The following HDAC8 variants were observed in gnomAD, a reference collection of about 807,000 sequenced individuals.
The protein encoded by HDAC8 is histone deacetylase 8.
HDAC8 carries 1 observed loss-of-function variant against 32.2 expected under a neutral mutation model. That is an observed-to-expected ratio of 0.03 (90% CI 0.01 to 0.15). The LOEUF (loss-of-function observed/expected upper bound fraction) is 0.15, where lower values mean the gene tolerates loss of function less well. Among genes scored for constraint, HDAC8 ranks in the 10% least tolerant of loss-of-function variants. The pLI is 1.00. For missense variants in HDAC8, 117 were observed against 300.0 expected, an observed-to-expected ratio of 0.39 and a Z score of 4.51; for synonymous variants, 108 against 113.9, an observed-to-expected ratio of 0.95 and a Z score of 0.33.
intron 9 of HDAC8, among the ~76,000 whole-genome samples, chrX:72,460,244 C>T (rs782130712): frequency 2.7e-5 from 3 of 110,671 alleles, no homozygotes; most frequent in African/African-American, 6.6e-5. Flanking sequence ...TCAAGCAATT[C>T]GCTTGCCTCA....
chrX:72,486,874 T>A (rs782475499), intron 7 of HDAC8, among the ~76,000 whole-genome samples: 3 of 111,929 alleles, frequency 2.7e-5, no homozygotes, highest in Non-Finnish European at 5.6e-5. Context: ...CTTGGTACCC[T>A]TGGAATCAGA....
At chrX:72,458,044 G>A (rs1364402125) in intron 9 of HDAC8, among the ~76,000 whole-genome samples, 3 of 111,246 alleles carry the variant, frequency 2.7e-5, no homozygotes, top group Non-Finnish European at 5.7e-5. Flanking sequence ...GATAAGTCAC[G>A]GGATCTAAAT....
chrX:72,465,134 G>A (rs1555993506), intron 7 of HDAC8, among the ~76,000 whole-genome samples: 1 of 111,430 alleles, frequency 9.0e-6, no homozygotes, highest in Non-Finnish European at 1.9e-5. Context: ...TTTAAGATGA[G>A]GACCATACTT....
intron 10 of HDAC8, among the ~76,000 whole-genome samples, chrX:72,332,834 TAG>T (rs1415428411): frequency 9.1e-6 from 1 of 110,023 alleles, no homozygotes; most frequent in Admixed American, 9.7e-5. Context: ...GTATTTTTAG[TAG>T]AGAGGGGATC....
intron 9 of HDAC8, among the ~76,000 whole-genome samples, chrX:72,383,790 A>T (rs1436920041): frequency 9.4e-6 from 1 of 106,380 alleles, no homozygotes; most frequent in African/African-American, 3.5e-5. Context: ...GAATGGTGTG[A>T]ACCCGGGAGG....
chrX:72,355,941 T>C (rs2044339271), intron 9 of HDAC8, among the ~76,000 whole-genome samples: 1 of 112,198 alleles, frequency 8.9e-6, no homozygotes, highest in African/African-American at 3.2e-5. Context: ...TAGGAGGGAT[T>C]ATTATAGAGC....
intron 4 of HDAC8, among the ~76,000 whole-genome samples, chrX:72,529,728 A>C (rs2147403825): frequency 8.9e-6 from 1 of 112,327 alleles, no homozygotes; most frequent in East Asian, 2.8e-4. Flanking sequence ...TAAAACAGGT[A>C]AAGATACAGG....
rs1241395400 is a variant in HDAC8, at chrX:72,423,757, C to T, written c.1005+38247G>A. On this transcript the variant is annotated intron_variant, in intron 9 of 10. Transcript: ENST00000373573. ...ACATTCTTTGACAGAATTATTAGTC[C>T]TCTTAGTACTATCAACCACACCAGG... 1.6e-4 allele frequency among the ~76,000 whole-genome samples: 18 copies of T among 111,708 alleles called. No individual in the cohort carries two copies. The Admixed American group carries it at 1.6e-3, about 10-fold the overall frequency.
chrX:72,332,731 A>G (rs1415059949), intron 10 of HDAC8, among the ~76,000 whole-genome samples: 13 of 110,110 alleles, frequency 1.2e-4, no homozygotes, highest in African/African-American at 4.3e-4. Context: ...GGCTCACTGC[A>G]AACTCCGCCT....
chrX:72,494,140 G>C (rs2048952716), intron 5 of HDAC8, among the ~76,000 whole-genome samples: 1 of 111,621 alleles, frequency 9.0e-6, no homozygotes, highest in African/African-American at 3.3e-5. Context: ...GATATTCAGT[G>C]AAAATGGTTC....
At chrX:72,402,727 G>A (rs1555967759) in intron 9 of HDAC8, among the ~76,000 whole-genome samples, 5 of 110,875 alleles carry the variant, frequency 4.5e-5, no homozygotes, top group Non-Finnish European at 1.9e-5. Flanking sequence ...TTTTATTCCT[G>A]GCCTATGGTG....
intron 4 of HDAC8, among the ~76,000 whole-genome samples, chrX:72,540,493 G>C (rs1439351597): frequency 1.8e-5 from 2 of 110,149 alleles, no homozygotes; most frequent in Non-Finnish European, 3.8e-5. Context: ...GAACATACTT[G>C]ATTTAACCTT....
At chrX:72,517,247 A>G (rs782405137) in intron 4 of HDAC8, among the ~76,000 whole-genome samples, 2 of 111,846 alleles carry the variant, frequency 1.8e-5, no homozygotes, top group East Asian at 5.6e-4. Context: ...ATCTATTCAA[A>G]TCTTCTGCCT....
chrX:72,378,051 T>A (rs897631122), intron 9 of HDAC8, among the ~76,000 whole-genome samples: 2 of 110,773 alleles, frequency 1.8e-5, no homozygotes, highest in Non-Finnish European at 3.8e-5. Context: ...TTTTTTTTTT[T>A]AGTGGTTGCC....
intron 9 of HDAC8, 91 bp downstream of exon 9, chrX:72,461,913 G>A (rs1201318482): frequency 5.0e-6 from 3 of 603,877 alleles, no homozygotes; most frequent in Admixed American, 4.9e-5. Context: ...TCAACAAAAC[G>A]GTATTGAGTG....
At chrX:72,331,472 A>T (rs597894) in intron 10 of HDAC8, among the ~76,000 whole-genome samples, 59,289 of 110,448 alleles carry the variant, frequency 0.54, 14,877 homozygotes, top group Non-Finnish European at 0.78. Context: ...TATAAATGCA[A>T]TCAAACAGTC....
At chrX:72,503,417 T>C (rs1049977458) in intron 4 of HDAC8, among the ~76,000 whole-genome samples, 2 of 111,919 alleles carry the variant, frequency 1.8e-5, no homozygotes, top group Non-Finnish European at 3.8e-5. Context: ...ACCTGAATGA[T>C]AGAAGGGATG....
chrX:72,501,201 C>T lies in HDAC8; in HGVS notation c.438-5933G>A, dbSNP rs1292056979. On this transcript the variant is annotated intron_variant, in intron 4 of 10. Coordinates refer to ENST00000373573, the MANE Select transcript of HDAC8 (RefSeq NM_018486.3). Reference sequence around the variant, plus strand: ...ATTAAAATGGCCATACTGCTCAAGGCAACTTACAGATTCAATGCTATACCT... The same window carrying T: ...ATTAAAATGGCCATACTGCTCAAGGTAACTTACAGATTCAATGCTATACCT... Among the ~76,000 whole-genome samples the T allele has an allele frequency of 4.5e-5, 5 of 111,799 alleles. No homozygotes were observed. In the East Asian group the frequency reaches 1.4e-3, roughly 31 times the overall value.
intron 9 of HDAC8, among the ~76,000 whole-genome samples, chrX:72,419,844 C>T (rs782534013): frequency 9.0e-6 from 1 of 111,207 alleles, no homozygotes; most frequent in African/African-American, 3.3e-5. Context: ...AAATATTTTT[C>T]TGCATCTTTT....
Sources: allele counts gnomAD v4.1 joint callset (sites outside exome capture counted in the v4.1 genomes callset), GRCh38; gene constraint gnomAD v4.1.1; transcripts MANE v1.5; gene names NCBI Gene and HGNC (gene_info 2026-07-23, HGNC 2026-07-21).